ZBTB25: variants seen among roughly 807,000 people sequenced by gnomAD.
ZBTB25 encodes the protein zinc finger and BTB domain-containing protein 25.
Under a neutral mutation model 34.2 loss-of-function variants are expected in ZBTB25, and 20 were observed. The observed-to-expected ratio is 0.58, with a 90% CI of 0.41 to 0.85. The LOEUF (loss-of-function observed/expected upper bound fraction) is 0.85, where lower values mean the gene tolerates loss of function less well. ZBTB25 is among the 40% of genes least tolerant of loss of function. ZBTB25 has a pLI of 0.00. For synonymous variants in ZBTB25, 175 were observed against 186.4 expected, an observed-to-expected ratio of 0.94 and a Z score of 0.50; for missense variants, 437 against 521.8, an observed-to-expected ratio of 0.84 and a Z score of 1.58.
Position 64,487,345 on chromosome 14 carries a change from T to C in ZBTB25, c.886A>G (p.Arg296Gly). 6.2e-7 allele frequency: 1 copy of C among 1,614,002 alleles called. No individual in the cohort carries two copies. Among genetic ancestry groups the C allele is most frequent in the Non-Finnish European group, 8.5e-7 (1 of 1,179,978 alleles). ...NENSEALECRRLSSFIVKENE... is the reference protein window; with the variant it reads ...NENSEALECRGLSSFIVKENE... ...TCCTTAACAATGAAGGAGCTGAGCC[T>C]GCGGCATTCAAGGGCCTCGCTGTTT... Residue 296 changes from arginine to glycine, a missense_variant, in exon 3 of 3, where the codon AGG becomes GGG. By Grantham distance (125) the Arg-to-Gly change is moderately radical. Coordinates refer to ENST00000608382, the MANE Select transcript of ZBTB25 (RefSeq NM_006977.5).
intron 2 of ZBTB25, among the ~76,000 whole-genome samples, chr14:64,457,788 G>T (rs1156325324): frequency 1.3e-5 from 2 of 152,108 alleles, no homozygotes; most frequent in African/African-American, 4.8e-5. Flanking sequence ...AACAGGATCA[G>T]TGACTTGATT....
rs1446481243 is a variant in ZBTB25, at chr14:64,480,061, C to G, written c.*6862G>C. 1.2e-5 allele frequency: 2 copies of G among 162,828 alleles called. No individual in the cohort carries two copies. The highest frequency in any genetic ancestry group is 2.8e-4 in the South Asian group (2 of 7,044). 10.1% of individuals were successfully genotyped at this position (162,828 alleles called of 1,614,324 possible). On this transcript the variant is annotated 3_prime_UTR_variant, in exon 3 of 3. Coordinates refer to ENST00000608382, the MANE Select transcript of ZBTB25 (RefSeq NM_006977.5). Reference sequence around the variant, plus strand: ...AGAAGCAGCTGGGCGCGGTGGCTCACGCCTGTAATCCCAGCACTTTGGGAG... The same window carrying G: ...AGAAGCAGCTGGGCGCGGTGGCTCAGGCCTGTAATCCCAGCACTTTGGGAG...
At chr14:64,502,933 T>G in intron 1 of ZBTB25, 1 of 985,476 alleles carries the variant, frequency 1.0e-6, no homozygotes, top group Non-Finnish European at 1.2e-6. Context: ...TCAACAGCTC[T>G]GCCAGGACTT....
In ZBTB25 at chr14:64,503,697, GC is replaced by G; in HGVS notation, c.-45del. On this transcript the variant is annotated 5_prime_UTR_variant, in exon 1 of 3. Transcript: ENST00000608382. The stretch of plus-strand genomic sequence containing the variant: ...CGCGGCGGCAGGCCGACTCCTCCGT[GC>G]AGGAGGGGCGGGCTCCCAAGCCGCG... 1.3e-6 allele frequency: 1 copy of G among 780,206 alleles called. No homozygotes were observed. The highest frequency in any genetic ancestry group is 5.8e-5 in the South Asian group (1 of 17,242). 48.3% of individuals were successfully genotyped at this position (780,206 alleles called of 1,614,324 possible). A position where few individuals can be genotyped will look rare whatever the true frequency, so the allele number is the denominator to read the frequency against.
Position 64,479,273 on chromosome 14 carries a change from G to A in ZBTB25, c.*7650C>T, listed in dbSNP as rs1383870175. 3 of 152,144 alleles carry A rather than the reference G, an allele frequency of 2.0e-5. No individual in the cohort carries two copies. 9.4% of individuals were successfully genotyped at this position (152,144 alleles called of 1,614,324 possible). A position where few individuals can be genotyped will look rare whatever the true frequency, so the allele number is the denominator to read the frequency against. Reference sequence around the variant, plus strand: ...AATGACATTTTGAGGTACATATTCTGTATTGCGGGAGGCTGTCCTCTGCAC... The same window carrying A: ...AATGACATTTTGAGGTACATATTCTATATTGCGGGAGGCTGTCCTCTGCAC... On this transcript the variant is annotated 3_prime_UTR_variant, in exon 3 of 3. Transcript: ENST00000608382.
chr14:64,500,478 A>AGG (rs2079452243), intron 1 of ZBTB25, among the ~76,000 whole-genome samples: 1 of 128,694 alleles, frequency 7.8e-6, no homozygotes, highest in Non-Finnish European at 1.7e-5. Flanking sequence ...AAAAAAAAAG[A>AGG]GAGAGAGAGA....
rs747992428 is a variant in ZBTB25 at position 64,485,552 on chromosome 14, C to T, written c.*1371G>A. On this transcript the variant is annotated 3_prime_UTR_variant, in exon 3 of 3. Transcript: ENST00000608382. ...CCTGGGGTTTTAGCTTTGTAAGTGTCACCATTATAAAAGAGAGTTAAGTTG... is the reference window on the plus strand; with the variant it reads ...CCTGGGGTTTTAGCTTTGTAAGTGTTACCATTATAAAAGAGAGTTAAGTTG... 4.5e-5 allele frequency: 44 copies of T among 985,148 alleles called. No homozygotes were observed. The highest frequency in any genetic ancestry group is 4.9e-5 in the Non-Finnish European group (41 of 829,884). The allele number at this position is 985,148 out of a possible 1,614,324, so 61.0% of individuals were successfully genotyped here.
Position 64,486,677 on chromosome 14 carries a change from G to A in ZBTB25, c.*246C>T, listed in dbSNP as rs891217156. 5.3e-6 allele frequency: 6 copies of A among 1,134,114 alleles called. No homozygotes were observed. In the African/African-American group the frequency reaches 8.0e-5, roughly 15 times the overall value. The allele number at this position is 1,134,114 out of a possible 1,614,324, so 70.3% of individuals were successfully genotyped here. ...TTTAAGGTTTCCATATTTCTACATT[G>A]ATTTCTGATTTCTAAATTGTTATTT... is the stretch of plus-strand genomic sequence containing the variant. On this transcript the variant is annotated 3_prime_UTR_variant, in exon 3 of 3. Transcript: ENST00000608382.
At chr14:64,489,628 T>C (rs61985668) in intron 2 of ZBTB25, among the ~76,000 whole-genome samples, 35,722 of 150,700 alleles carry the variant, frequency 0.24, 4,737 homozygotes, top group Non-Finnish European at 0.31. Context: ...CTTCACCTCA[T>C]AGGTACACGC....
intron 2 of ZBTB25, among the ~76,000 whole-genome samples, chr14:64,450,224 A>C (rs905318187): frequency 6.6e-6 from 1 of 152,266 alleles, no homozygotes; most frequent in African/African-American, 2.4e-5. Flanking sequence ...GCAGAAGAGA[A>C]GGTTACATAT....
At chr14:64,454,788 A>C in intron 2 of ZBTB25, 1 of 1,614,150 alleles carries the variant, frequency 6.2e-7, no homozygotes, top group Non-Finnish European at 8.5e-7. Flanking sequence ...ACCCAGAGCA[A>C]AAAGGTGTCC....
rs1287071530 is a variant in ZBTB25 at position 64,454,805 on chromosome 14, G to A, written c.174-5167C>T. The stretch of plus-strand genomic sequence containing the variant: ...CCAGAGCAAAAAGGTGTCCCTACAG[G>A]CTTCATTCTGCCCATTCGCGACATC... On this transcript the variant is annotated intron_variant, in intron 2 of 2. Transcript: ENST00000555220. The A allele has an allele frequency of 1.9e-6, 3 of 1,614,014 alleles. No homozygotes were observed. Among genetic ancestry groups the A allele is most frequent in the Non-Finnish European group, 2.5e-6 (3 of 1,180,014 alleles).
intron 2 of ZBTB25, among the ~76,000 whole-genome samples, chr14:64,451,991 T>C (rs1023321232): frequency 6.6e-6 from 1 of 152,220 alleles, no homozygotes; most frequent in African/African-American, 2.4e-5. Context: ...AGATAGATTA[T>C]TGCTCCTTTT....
rs765250938 is a variant in ZBTB25 at position 64,495,812 on chromosome 14, G to A, written c.-7-5272C>T. 1.5e-4 allele frequency among the ~76,000 whole-genome samples: 23 copies of A among 151,976 alleles called. No individual in the cohort carries two copies. The Middle Eastern group carries it at 0.017, about 112-fold the overall frequency. On this transcript the variant is annotated intron_variant, in intron 1 of 2. Transcript: ENST00000608382. The stretch of plus-strand genomic sequence containing the variant: ...TCTCTACTAAAAATACAAAATTAGC[G>A]GGTGTGGTGGCACATGCCTGTAATC...
chr14:64,495,556 C>T, intron 1 of ZBTB25, among the ~76,000 whole-genome samples: 1 of 152,212 alleles, frequency 6.6e-6, no homozygotes, highest in East Asian at 1.9e-4. Flanking sequence ...GACCTTATGC[C>T]AGTCTAAAAG....
chr14:64,461,078 CTG>C (rs1310902593), intron 2 of ZBTB25: 1 of 152,084 alleles, frequency 6.6e-6, no homozygotes, highest in Non-Finnish European at 1.5e-5. Flanking sequence ...TCTTCTATCT[CTG>C]TTCTTCCTCT....
intron 2 of ZBTB25, chr14:64,468,661 G>T: frequency 6.2e-7 from 1 of 1,614,006 alleles, no homozygotes; most frequent in Non-Finnish European, 8.5e-7. Flanking sequence ...TAACACGCAG[G>T]AAAAGGTCAG....
At chr14:64,498,624 G>A (rs10431708) in intron 1 of ZBTB25, among the ~76,000 whole-genome samples, 124,360 of 151,494 alleles carry the variant, frequency 0.82, 51,138 homozygotes, top group East Asian at 0.88. Context: ...TTGTTTATTT[G>A]TTTATTTATT....
intron 1 of ZBTB25, chr14:64,503,394 C>G: frequency 1.0e-6 from 1 of 985,434 alleles, no homozygotes; most frequent in Non-Finnish European, 1.2e-6. Flanking sequence ...TTCGCGGCAC[C>G]CCGTGTGCCA....
Sources: gnomAD v4.1 joint callset for allele counts (sites outside exome capture counted in the v4.1 genomes callset) on GRCh38, gnomAD v4.1.1 for gene constraint, MANE v1.5 for transcripts, NCBI Gene and HGNC (gene_info 2026-07-23, HGNC 2026-07-21) for gene names.